The following TCF3 variants were observed in gnomAD, a reference collection of about 807,000 sequenced individuals.
TCF3 encodes transcription factor 3.
In TCF3, 54 loss-of-function variants were observed where a neutral mutation model predicts 72.3. That is an observed-to-expected ratio of 0.75 (90% CI 0.60 to 0.94). The LOEUF (loss-of-function observed/expected upper bound fraction) is 0.94. TCF3 is among the 40% of genes least tolerant of loss of function. The pLI, the probability that TCF3 is intolerant of heterozygous loss-of-function variation, is 0.00. For synonymous variants in TCF3, 525 were observed against 412.6 expected (o/e 1.27, Z -3.30); for missense variants, 1,078 against 934.4 (o/e 1.15, Z -2.00).
chr19:1,622,809 C>T (rs765007190), intron 8 of TCF3, among the ~76,000 whole-genome samples: 2 of 152,226 alleles, frequency 1.3e-5, no homozygotes, highest in Non-Finnish European at 2.9e-5. Context: ...TCTTCCAGTG[C>T]TGAGCTTCCC....
At chr19:1,613,188 T>G (rs1030805503) in intron 18 of TCF3, among the ~76,000 whole-genome samples, 28 of 152,222 alleles carry the variant, frequency 1.8e-4, no homozygotes, top group Admixed American at 1.7e-3. Context: ...AAAATGTGCT[T>G]CTCTGTGCAC....
intron 3 of TCF3, among the ~76,000 whole-genome samples, chr19:1,635,205 T>G (rs1218655409): frequency 6.6e-6 from 1 of 152,200 alleles, no homozygotes; most frequent in African/African-American, 2.4e-5. Context: ...CTCTGCAATG[T>G]GCCCCCACTC....
At chr19:1,637,054 G>A (rs576379175) in intron 3 of TCF3, among the ~76,000 whole-genome samples, 6 of 152,126 alleles carry the variant, frequency 3.9e-5, no homozygotes, top group African/African-American at 9.6e-5. Context: ...CGCCAGAACC[G>A]GGGACGCCTC....
rs1254488152 is a variant in TCF3 at position 1,615,109 on chromosome 19, G to A, written c.1822+176C>T. Among the ~76,000 whole-genome samples, 1 of 152,178 alleles carries A rather than the reference G, an allele frequency of 6.6e-6. No homozygotes were observed. On this transcript the variant is annotated intron_variant, in intron 18 of 18. Transcript: ENST00000262965. This position sits in a 1 kb window ranked among gnomAD's most constrained non-coding sequence, Gnocchi z 7.3. ...AGGCAGGGAGAAGGGCTGGCAGTCA[G>A]GAGTGGACAGTCATGGCAATGCGGT...
intron 16 of TCF3, among the ~76,000 whole-genome samples, chr19:1,617,217 G>A (rs1051559052): frequency 6.6e-6 from 1 of 152,184 alleles, no homozygotes; most frequent in African/African-American, 2.4e-5. Flanking sequence ...GACAACAGGT[G>A]TATCACACCC....
rs146388807 is a variant in TCF3, at chr19:1,645,595, G to A, written c.145+760C>T. On this transcript the variant is annotated intron_variant, in intron 3 of 18. Coordinates refer to ENST00000262965, the MANE Select transcript of TCF3 (RefSeq NM_003200.5). The stretch of plus-strand genomic sequence containing the variant: ...CCTCTCACCCTCAGGGCTCTGCCCC[G>A]ACACGCCCTCTGCGGAGACCTTCAC... 6.6e-5 allele frequency among the ~76,000 whole-genome samples: 10 copies of A among 152,304 alleles called. No homozygotes were observed. The East Asian group carries it at 1.5e-3, about 24-fold the overall frequency.
At chr19:1,612,772 G>A (rs565631680) in intron 18 of TCF3, among the ~76,000 whole-genome samples, 2 of 151,742 alleles carry the variant, frequency 1.3e-5, no homozygotes, top group Non-Finnish European at 2.9e-5. Flanking sequence ...ACACAGCAGT[G>A]TGGGTACACG....
chr19:1,630,036 C>G (rs2063510130), intron 5 of TCF3, among the ~76,000 whole-genome samples: 1 of 152,214 alleles, frequency 6.6e-6, no homozygotes. Context: ...CCGGGACCCC[C>G]GCCTGCCCTC....
In TCF3 at chr19:1,615,278, C is replaced by T; in HGVS notation, c.1822+7G>A. The T allele has an allele frequency of 6.3e-7, 1 of 1,582,146 alleles. No individual in the cohort carries two copies. The highest frequency in any genetic ancestry group is 8.6e-7 in the Non-Finnish European group (1 of 1,158,570). ...CAGGGACGCTGGTGGCCCGCGCCCC[C>T]ACTGACCTCGCACTTGCTGCTCCAA... On this transcript the variant is annotated splice_region_variant and intron_variant, in intron 18 of 18. Transcript: ENST00000262965. This position sits in a 1 kb window ranked among gnomAD's most constrained non-coding sequence, Gnocchi z 7.3.
chr19:1,634,046 G>A (rs2064067512), intron 3 of TCF3, among the ~76,000 whole-genome samples: 1 of 152,214 alleles, frequency 6.6e-6, no homozygotes, highest in African/African-American at 2.4e-5. Context: ...GGGACCTCCT[G>A]GGGCCCCATG....
At chr19:1,623,299 C>A (rs565838527) in intron 8 of TCF3, among the ~76,000 whole-genome samples, 1 of 151,624 alleles carries the variant, frequency 6.6e-6, no homozygotes, top group South Asian at 2.1e-4. Flanking sequence ...GGACCATCTG[C>A]GAGGCCTGGT....
intron 8 of TCF3, among the ~76,000 whole-genome samples, chr19:1,622,690 C>T (rs1568379579): frequency 1.3e-5 from 2 of 152,178 alleles, no homozygotes; most frequent in Non-Finnish European, 2.9e-5. Flanking sequence ...TCTGGCTCTG[C>T]CTACTAAACC....
At position 1,622,358 on chromosome 19, in the gene TCF3, C is replaced by G. The variant is rs138005323; in HGVS notation, c.607G>C (p.Ala203Pro). Residue 203 changes from alanine to proline, a missense_variant, in exon 9 of 19, where the codon GCC becomes CCC. Coordinates refer to ENST00000262965, the MANE Select transcript of TCF3 (RefSeq NM_003200.5). ...GGATAGGTGCTGCTGGGGGTCTTGG[C>G]GGACGGGTAGGCGGTGGCATCCCTG... ...YGRDATAYPSAKTPSSTYPAP... is the reference protein window; with the variant it reads ...YGRDATAYPSPKTPSSTYPAP... 9 of 1,324,510 alleles carry G rather than the reference C, an allele frequency of 6.8e-6. No homozygotes were observed. The African/African-American group carries it at 1.4e-4, about 20-fold the overall frequency. The allele number at this position is 1,324,510 out of a possible 1,614,324, so 82.0% of individuals were successfully genotyped here. A position where few individuals can be genotyped will look rare whatever the true frequency, so the allele number is the denominator to read the frequency against.
intron 2 of TCF3, among the ~76,000 whole-genome samples, chr19:1,648,995 A>G (rs1044776299): frequency 2.0e-5 from 3 of 152,218 alleles, no homozygotes; most frequent in Admixed American, 6.5e-5. Flanking sequence ...GGGCTCCGGC[A>G]TTCCAGCCTC....
chr19:1,651,877 T>C (rs1347933185), intron 1 of TCF3, among the ~76,000 whole-genome samples: 2 of 138,028 alleles, frequency 1.4e-5, no homozygotes, highest in East Asian at 4.9e-4. Context: ...AGGACGTCCC[T>C]CCCGCGCGCT....
In TCF3 at chr19:1,612,228, C is replaced by T; in HGVS notation, c.1823-379G>A. 2 of 1,593,572 alleles carry T rather than the reference C, an allele frequency of 1.3e-6. No individual in the cohort carries two copies. Among genetic ancestry groups the T allele is most frequent in the Non-Finnish European group, 1.7e-6 (2 of 1,166,622 alleles). The stretch of plus-strand genomic sequence containing the variant: ...CTACCTCGCACCTGCTGCTCCAGCC[C>T]CAGGATGACCTGCACGGCCTGCTGC... On this transcript the variant is annotated intron_variant, in intron 18 of 18. Transcript: ENST00000262965.
At chr19:1,649,467 T>C (rs1294772044) in intron 2 of TCF3, among the ~76,000 whole-genome samples, 1 of 152,228 alleles carries the variant, frequency 6.6e-6, no homozygotes, top group Non-Finnish European at 1.5e-5. Flanking sequence ...AGGAGTGCAG[T>C]GGCGCAATCA....
chr19:1,630,114 G>A (rs1192332767), intron 5 of TCF3, among the ~76,000 whole-genome samples: 1 of 152,238 alleles, frequency 6.6e-6, no homozygotes, highest in Non-Finnish European at 1.5e-5. Flanking sequence ...GCTGGGCTCT[G>A]GGCATTGCTG....
chr19:1,615,499 G>A lies in TCF3; in HGVS notation c.1608C>T (p.Asp536=), dbSNP rs762257097. 14 of 1,609,560 alleles carry A rather than the reference G, an allele frequency of 8.7e-6. No individual in the cohort carries two copies. Among genetic ancestry groups the A allele is most frequent in the Admixed American group, 1.7e-5 (1 of 59,990 alleles). Residue 536 remains aspartate (D), a synonymous_variant, in exon 18 of 19, where the codon GAC becomes GAT. Coordinates refer to ENST00000262965, the MANE Select transcript of TCF3 (RefSeq NM_003200.5). The surrounding 1 kb of genome is among the most constrained non-coding windows in gnomAD (Gnocchi z 7.3). ...ARTSPDEDED[D]LLPPEQKAER... ...CGGCCTTCTGCTCTGGGGGGAGAAG[G>A]TCGTCCTCGTCCTCGTCTGGGCTAT...
Sources: allele counts gnomAD v4.1 joint callset (sites outside exome capture counted in the v4.1 genomes callset), GRCh38; gene constraint gnomAD v4.1.1; non-coding constraint Gnocchi (gnomAD v3.1); transcripts MANE v1.5; gene names NCBI Gene and HGNC (gene_info 2026-07-23, HGNC 2026-07-21).